CSMD1: variants seen among roughly 807,000 people sequenced by gnomAD.
CSMD1 encodes CUB and sushi domain-containing protein 1.
Under a neutral mutation model 417.5 loss-of-function variants are expected in CSMD1, and 213 were observed. The observed-to-expected ratio is 0.51, with a 90% CI of 0.46 to 0.57. The LOEUF (loss-of-function observed/expected upper bound fraction) is 0.57, where lower values mean the gene tolerates loss of function less well. CSMD1 is among the 20% of genes least tolerant of loss of function. CSMD1 has a pLI of 0.00. For missense variants in CSMD1, 6,923 were observed against 4,529.7 expected, an observed-to-expected ratio of 1.53 and a Z score of -15.17; for synonymous variants, 2,862 against 1,736.8, an observed-to-expected ratio of 1.65 and a Z score of -16.11.
intron 1 of CSMD1, among the ~76,000 whole-genome samples, chr8:4,670,126 T>C (rs1286566271): frequency 6.6e-6 from 1 of 152,098 alleles, no homozygotes; most frequent in Non-Finnish European, 1.5e-5. Flanking sequence ...CTGATTAGGG[T>C]AGGGTTAGAA....
Position 3,453,987 on chromosome 8 carries a change from T to C in CSMD1, c.1561+14725A>G, listed in dbSNP as rs184471221. Among the ~76,000 whole-genome samples, 1,113 of 152,312 alleles carry C rather than the reference T, an allele frequency of 7.3e-3. 5 individuals are homozygous for C. Among genetic ancestry groups the C allele is most frequent in the Non-Finnish European group, 0.012 (808 of 68,024 alleles). On this transcript the variant is annotated intron_variant, in intron 12 of 69. Transcript: ENST00000635120. Reference sequence around the variant, plus strand: ...TCTCTAAGGACTTGCTTTATGAATCTGGGTGCTCCTGTATTGGGTGCATAT... The same window carrying C: ...TCTCTAAGGACTTGCTTTATGAATCCGGGTGCTCCTGTATTGGGTGCATAT...
chr8:3,585,597 G>C (rs757733432), intron 9 of CSMD1, among the ~76,000 whole-genome samples: 1 of 151,998 alleles, frequency 6.6e-6, no homozygotes, highest in Non-Finnish European at 1.5e-5. Flanking sequence ...TGCTGACTTC[G>C]TATGTTTTAT....
intron 3 of CSMD1, among the ~76,000 whole-genome samples, chr8:4,412,572 T>C (rs1250897630): frequency 6.6e-6 from 1 of 151,978 alleles, no homozygotes; most frequent in Admixed American, 6.6e-5. Context: ...AATACAAGAA[T>C]GGACTAATAC....
intron 1 of CSMD1, among the ~76,000 whole-genome samples, chr8:4,699,171 T>G (rs984724043): frequency 1.3e-5 from 2 of 152,218 alleles, no homozygotes; most frequent in African/African-American, 4.8e-5. Flanking sequence ...TGTTTCACTC[T>G]GGACCTCTCA....
chr8:4,261,374 G>C (rs531484649), intron 3 of CSMD1, among the ~76,000 whole-genome samples: 5 of 152,246 alleles, frequency 3.3e-5, no homozygotes, highest in South Asian at 4.1e-4. Flanking sequence ...CAGAAATAGA[G>C]ATTAGAATCA....
intron 5 of CSMD1, among the ~76,000 whole-genome samples, chr8:3,803,084 C>G (rs1800545688): frequency 6.6e-6 from 1 of 152,154 alleles, no homozygotes; most frequent in African/African-American, 2.4e-5. Context: ...TTTGGTCTAT[C>G]TCTATCAAAA....
chr8:3,532,403 C>G (rs1357573026), intron 10 of CSMD1, among the ~76,000 whole-genome samples: 4 of 152,128 alleles, frequency 2.6e-5, no homozygotes, highest in African/African-American at 9.7e-5. Flanking sequence ...GGATGGTGAG[C>G]TAGAAGAAAG....
intron 10 of CSMD1, among the ~76,000 whole-genome samples, chr8:3,506,407 G>A (rs918208815): frequency 4.6e-5 from 7 of 152,326 alleles, no homozygotes; most frequent in African/African-American, 1.4e-4. Context: ...TTACACATGT[G>A]TAGAGAGGAG....
At chr8:3,035,352 A>G (rs1238032463) in intron 50 of CSMD1, among the ~76,000 whole-genome samples, 1 of 152,158 alleles carries the variant, frequency 6.6e-6, no homozygotes, top group Non-Finnish European at 1.5e-5. Flanking sequence ...CTGAGACAGA[A>G]AAGGAGGGTA....
intron 3 of CSMD1, among the ~76,000 whole-genome samples, chr8:4,397,809 A>G (rs1442148996): frequency 1.3e-5 from 2 of 152,164 alleles, no homozygotes; most frequent in African/African-American, 4.8e-5. Context: ...CATGCTAATT[A>G]TACAATATTT....
intron 5 of CSMD1, among the ~76,000 whole-genome samples, chr8:3,967,014 A>G (rs1477960060): frequency 1.3e-5 from 2 of 152,146 alleles, no homozygotes; most frequent in East Asian, 3.9e-4. Context: ...TCAATTGGTG[A>G]AATAATCTCC....
rs556156787 is a variant in CSMD1 at position 4,144,405 on chromosome 8, G to C, written c.416-112306C>G. ...GAACTTAATTTATCTTTTCTGTTTT[G>C]CCAGGAAAAATCTGAAGTGAAGAAT... On this transcript the variant is annotated intron_variant, in intron 3 of 69. Transcript: ENST00000635120. Among the ~76,000 whole-genome samples the C allele has an allele frequency of 1.1e-4, 16 of 151,104 alleles. No individual in the cohort carries two copies. The South Asian group carries it at 2.9e-3, about 27-fold the overall frequency.
chr8:3,753,695 G>C (rs1017206264), intron 6 of CSMD1, among the ~76,000 whole-genome samples: 2 of 152,126 alleles, frequency 1.3e-5, no homozygotes, highest in African/African-American at 4.8e-5. Context: ...TTAAAACTTA[G>C]CAATTGTTCC....
intron 18 of CSMD1, among the ~76,000 whole-genome samples, chr8:3,373,088 A>G (rs144633958): frequency 4.6e-5 from 7 of 152,362 alleles, no homozygotes; most frequent in African/African-American, 1.7e-4. Context: ...ATCCAAAGCT[A>G]CTTGTCAGTG....
intron 50 of CSMD1, among the ~76,000 whole-genome samples, chr8:3,046,475 T>A (rs1432043872): frequency 6.6e-6 from 1 of 152,168 alleles, no homozygotes; most frequent in African/African-American, 2.4e-5. Flanking sequence ...TCCGTGGACA[T>A]TTCAGAGCTA....
intron 1 of CSMD1, among the ~76,000 whole-genome samples, chr8:4,776,191 T>C (rs1403520487): frequency 6.6e-6 from 1 of 152,156 alleles, no homozygotes; most frequent in Non-Finnish European, 1.5e-5. Flanking sequence ...AGAGAGCCTG[T>C]TCCCATGGTC....
At chr8:4,748,616 T>C (rs1411416111) in intron 1 of CSMD1, among the ~76,000 whole-genome samples, 1 of 152,234 alleles carries the variant, frequency 6.6e-6, no homozygotes, top group African/African-American at 2.4e-5. Flanking sequence ...AGTGTTTTCA[T>C]TCTAAATTAT....
At chr8:3,633,554 T>A (rs544502160) in intron 7 of CSMD1, among the ~76,000 whole-genome samples, 1 of 152,356 alleles carries the variant, frequency 6.6e-6, no homozygotes, top group South Asian at 2.1e-4. Flanking sequence ...TGCACGCACG[T>A]CAAAAGTTCA....
At chr8:3,704,464 C>T (rs760540257) in intron 7 of CSMD1, among the ~76,000 whole-genome samples, 1 of 152,238 alleles carries the variant, frequency 6.6e-6, no homozygotes, top group East Asian at 1.9e-4. Context: ...GGGACATAAC[C>T]ACAACAACAT....
Sources: allele counts gnomAD v4.1 joint callset (sites outside exome capture counted in the v4.1 genomes callset), GRCh38; gene constraint gnomAD v4.1.1; transcripts MANE v1.5; gene names NCBI Gene and HGNC (gene_info 2026-07-23, HGNC 2026-07-21).